PIEZO1: variants seen among roughly 807,000 people sequenced by gnomAD.
PIEZO1 encodes the protein piezo type mechanosensitive ion channel component 1 (Er blood group), also known as piezo-type mechanosensitive ion channel component 1.
A neutral mutation model predicts 297.2 loss-of-function variants in PIEZO1; 296 were observed. The observed-to-expected ratio is 1.00, with a 90% CI of 0.91 to 1.10. PIEZO1 has a LOEUF of 1.10. Ranked by LOEUF, PIEZO1 falls within the 50% of genes least tolerant of loss-of-function variation. PIEZO1 has a pLI of 0.00. For missense variants in PIEZO1, 5,018 were observed against 3,455.5 expected (o/e 1.45, Z -11.34); for synonymous variants, 2,427 against 1,507.5 (o/e 1.61, Z -14.13).
chr16:88,723,224 A>C lies in PIEZO1; in HGVS notation c.4438+2T>G. The C allele has an allele frequency of 1.3e-6, 2 of 1,547,384 alleles. No individual in the cohort carries two copies. The highest frequency in any genetic ancestry group is 1.7e-6 in the Non-Finnish European group (2 of 1,146,742). ...TCAGAGTCCCCACGCCCCCCAGCTC[A>C]CCTGTGGGTAGCTGTCCTGCCTGTT... On this transcript the variant is annotated splice_donor_variant, in intron 32 of 50. Transcript: ENST00000301015. LOFTEE classifies it high-confidence loss of function.
chr16:88,734,800 T>G lies in PIEZO1; in HGVS notation c.1849-2A>C. On this transcript the variant is annotated splice_acceptor_variant, in intron 14 of 50. Transcript: ENST00000301015. LOFTEE classifies it high-confidence loss of function. ...CTTCCGCCACAGGCTGTAGTAGACC[T>G]GCCGGGTGAGGTGGGGGTGGTGAGG... is the stretch of plus-strand genomic sequence containing the variant. 1 of 1,550,224 alleles carries G rather than the reference T, an allele frequency of 6.5e-7. No homozygotes were observed.
chr16:88,719,278 A>G, intron 44 of PIEZO1: 2 of 373,586 alleles, frequency 5.4e-6, no homozygotes, highest in Non-Finnish European at 9.9e-6. Context: ...GCCATTAAAC[A>G]AGAATGCAGC....
rs562784527 is a variant in PIEZO1, at chr16:88,764,936, A to C, written c.65-15457T>G. Among the ~76,000 whole-genome samples the C allele has an allele frequency of 2.6e-5, 4 of 152,218 alleles. No homozygotes were observed. The South Asian group carries it at 8.3e-4, about 32-fold the overall frequency. On this transcript the variant is annotated intron_variant, in intron 1 of 50. Transcript: ENST00000301015. Reference sequence around the variant, plus strand: ...GAGAGGCAACAAGGGCTTCCTAAGAAGCCTGGCCATTGAAAACCTCCCGGT... The same window carrying C: ...GAGAGGCAACAAGGGCTTCCTAAGACGCCTGGCCATTGAAAACCTCCCGGT...
intron 1 of PIEZO1, among the ~76,000 whole-genome samples, chr16:88,776,244 T>C (rs1225415448): frequency 6.6e-5 from 10 of 152,176 alleles, no homozygotes; most frequent in African/African-American, 2.2e-4. Context: ...ACCATCCTGG[T>C]TAACACGGTG....
chr16:88,738,895 C>G, intron 5 of PIEZO1, 159 bp from the exon 6 acceptor site: 3 of 645,262 alleles, frequency 4.6e-6, no homozygotes, highest in Non-Finnish European at 8.0e-6. Context: ...CCCAGCCGTC[C>G]CTGAGGTCTG....
chr16:88,722,416 T>C lies in PIEZO1; in HGVS notation c.4776-19A>G, dbSNP rs563187226. On this transcript the variant is annotated intron_variant, in intron 35 of 50. Coordinates refer to ENST00000301015, the MANE Select transcript of PIEZO1 (RefSeq NM_001142864.4). ...CAGCCCACTGGGGAGGGAAGCCGAG[T>C]CACAGAGAATCCTGCTCTATGGCCT... 8.1e-6 allele frequency: 12 copies of C among 1,483,074 alleles called. No homozygotes were observed. The highest frequency in any genetic ancestry group is 1.8e-4 in the Middle Eastern group (1 of 5,676). 91.9% of individuals were successfully genotyped at this position (1,483,074 alleles called of 1,614,324 possible).
chr16:88,734,003 A>ATGCTCC lies in PIEZO1; in HGVS notation c.2226_2231dup (p.Gln742_Glu743dup). 1 of 1,544,968 alleles carries ATGCTCC rather than the reference A, an allele frequency of 6.5e-7. No individual in the cohort carries two copies. On this transcript the variant is annotated inframe_insertion, in exon 17 of 51. Coordinates refer to ENST00000301015, the MANE Select transcript of PIEZO1 (RefSeq NM_001142864.4). The stretch of plus-strand genomic sequence containing the variant: ...CCTCCTCCTCCTGCTGCTGCTGCTG[A>ATGCTCC]TGCTCCTGCTGCTCCTCCCGCAGCA...
At chr16:88,731,670 C>CA (rs1248719875) in intron 22 of PIEZO1, 36 bp downstream of exon 22, 1 of 1,520,646 alleles carries the variant, frequency 6.6e-7, no homozygotes, top group East Asian at 2.5e-5. Context: ...CACAAAGCCA[C>CA]AAAGCCCACT....
At chr16:88,738,492 C>A in intron 6 of PIEZO1, 52 bp from the exon 7 acceptor site, 2 of 1,520,176 alleles carry the variant, frequency 1.3e-6, no homozygotes, top group South Asian at 1.2e-5. Context: ...ATGTGTCCCG[C>A]TGTCTCCACA....
At chr16:88,732,857 G>A (rs1033942199) in intron 19 of PIEZO1, 125 bp from the exon 20 acceptor site, 5 of 993,332 alleles carry the variant, frequency 5.0e-6, no homozygotes, top group Non-Finnish European at 7.3e-6. Context: ...CACGGGGGCT[G>A]CCAGCCTTGG....
intron 41 of PIEZO1, 51 bp from the exon 42 acceptor site, chr16:88,720,334 G>T (rs891387258): frequency 7.1e-6 from 11 of 1,549,890 alleles, no homozygotes; most frequent in African/African-American, 1.4e-5. Flanking sequence ...GGGGATGTGG[G>T]TGGCTGCTGA....
At chr16:88,738,525 C>G (rs111388591) in intron 6 of PIEZO1, 43 bp downstream of exon 6, 2 of 1,530,676 alleles carry the variant, frequency 1.3e-6, no homozygotes, top group East Asian at 4.9e-5. Flanking sequence ...CTCCCAAGAC[C>G]CCTCCCAGTG....
intron 1 of PIEZO1, among the ~76,000 whole-genome samples, chr16:88,772,979 G>C (rs545762515): frequency 6.6e-6 from 1 of 152,314 alleles, no homozygotes; most frequent in South Asian, 2.1e-4. Context: ...CTTCCAGCTG[G>C]CCCCAGGGGT....
chr16:88,767,951 C>T (rs1907248553), intron 1 of PIEZO1, among the ~76,000 whole-genome samples: 1 of 152,198 alleles, frequency 6.6e-6, no homozygotes, highest in Non-Finnish European at 1.5e-5. Flanking sequence ...CACGCACATG[C>T]TTCTCCCGCT....
At chr16:88,742,030 G>A (rs1211173877) in intron 4 of PIEZO1, 23 bp downstream of exon 4, 4 of 1,535,004 alleles carry the variant, frequency 2.6e-6, no homozygotes, top group African/African-American at 1.4e-5. Context: ...CTTGCTGGTT[G>A]GGGGTGGGAG....
chr16:88,748,338 G>T lies in PIEZO1; in HGVS notation c.160+1046C>A, dbSNP rs186396275. The stretch of plus-strand genomic sequence containing the variant: ...CCCCCACAGGGCAGGTAGGTGACAT[G>T]TCACAGGATGGAGGGTTTGCTGCTA... On this transcript the variant is annotated intron_variant, in intron 2 of 50. Coordinates refer to ENST00000301015, the MANE Select transcript of PIEZO1 (RefSeq NM_001142864.4). Among the ~76,000 whole-genome samples the T allele has an allele frequency of 3.0e-3, 457 of 152,370 alleles. 1 individual carries two copies. Among genetic ancestry groups the T allele is most frequent in the Admixed American group, 4.4e-3 (67 of 15,306 alleles).
Position 88,722,861 on chromosome 16 carries a change from G to C in PIEZO1, c.4644C>G (p.Tyr1548Ter). 1 of 1,547,648 alleles carries C rather than the reference G, an allele frequency of 6.5e-7. No individual in the cohort carries two copies. The highest frequency in any genetic ancestry group is 8.7e-7 in the Non-Finnish European group (1 of 1,146,788). Residue 1548 changes from tyrosine to a stop codon, truncating the protein, a stop_gained, in exon 34 of 51, where the codon TAC becomes TAG. Coordinates refer to ENST00000301015, the MANE Select transcript of PIEZO1 (RefSeq NM_001142864.4). LOFTEE classifies it high-confidence loss of function. ...TMSDVLRAER[Y>*]LLTQELLQGG... ...CCTGCAGGAGCTCCTGTGTGAGGAG[G>C]TAGCGCTCTGCCCGCAGCACGTCGC...
At chr16:88,756,255 T>A (rs890244872) in intron 1 of PIEZO1, among the ~76,000 whole-genome samples, 1 of 152,194 alleles carries the variant, frequency 6.6e-6, no homozygotes, top group South Asian at 2.1e-4. Context: ...GAGCTCAGTC[T>A]TAGGCATGGA....
Position 88,720,703 on chromosome 16 carries a change from G to C in PIEZO1, c.5714C>G (p.Ala1905Gly). Reference protein sequence around the residue: ...EEEEGEEEKEAPTGREKRPSR... With the variant: ...EEEEGEEEKEGPTGREKRPSR... ...TGGCCTCTTCTCTCTCCCCGTGGGG[G>C]CCTCTTTCTCTTCCTCCCCCTCTTC... Residue 1905 changes from alanine to glycine, a missense_variant, in exon 40 of 51, where the codon GCC (alanine) becomes GGC (glycine). Transcript: ENST00000301015. 6.5e-7 allele frequency: 1 copy of C among 1,535,566 alleles called. No individual in the cohort carries two copies.
Sources: allele counts gnomAD v4.1 joint callset (sites outside exome capture counted in the v4.1 genomes callset), GRCh38; gene constraint gnomAD v4.1.1; transcripts MANE v1.5; gene names NCBI Gene and HGNC (gene_info 2026-07-23, HGNC 2026-07-21).